Variants in FBXL7 observed in about 807,000 individuals in gnomAD.
The protein encoded by FBXL7 is F-box/LRR-repeat protein 7.
In FBXL7, 12 loss-of-function variants were observed where a neutral mutation model predicts 38.3. That is an observed-to-expected ratio of 0.31 (90% CI 0.20 to 0.51). The LOEUF is 0.51. Ranked by LOEUF, FBXL7 falls within the 20% of genes least tolerant of loss-of-function variation. FBXL7 has a pLI of 0.98. For missense variants in FBXL7, 567 were observed against 676.4 expected, an observed-to-expected ratio of 0.84 and a Z score of 1.79; for synonymous variants, 297 against 300.9, an observed-to-expected ratio of 0.99 and a Z score of 0.13.
chr5:15,503,220 A>T (rs1736547834), intron 1 of FBXL7, among the ~76,000 whole-genome samples: 1 of 152,218 alleles, frequency 6.6e-6, no homozygotes, highest in African/African-American at 2.4e-5. Context: ...CAGGAGTTCA[A>T]GACCAGGCTG....
At chr5:15,601,926 T>TA (rs1431447667) in intron 1 of FBXL7, among the ~76,000 whole-genome samples, 5 of 152,126 alleles carry the variant, frequency 3.3e-5, no homozygotes. Flanking sequence ...AGTTTTAAGA[T>TA]AGAGACATAC....
At position 15,638,097 on chromosome 5, in the gene FBXL7, C is replaced by A. The variant is rs181625995; in HGVS notation, c.127+22025C>A. ...GCATTTGATGCCAATGTCACCACCCCCCAGGTGATCAGTCTATGACAAAGG... is the reference window on the plus strand; with the variant it reads ...GCATTTGATGCCAATGTCACCACCCACCAGGTGATCAGTCTATGACAAAGG... On this transcript the variant is annotated intron_variant, in intron 2 of 3. Transcript: ENST00000504595. Among the ~76,000 whole-genome samples, 130 of 152,306 alleles carry A rather than the reference C, an allele frequency of 8.5e-4. 1 individual carries two copies. The highest frequency in any genetic ancestry group is 3.0e-3 in the African/African-American group (125 of 41,576).
chr5:15,693,864 T>C (rs1326394475), intron 2 of FBXL7, among the ~76,000 whole-genome samples: 2 of 152,150 alleles, frequency 1.3e-5, no homozygotes, highest in East Asian at 3.9e-4. Context: ...TCCCCATCCA[T>C]CTGCTGAGTG....
intron 2 of FBXL7, among the ~76,000 whole-genome samples, chr5:15,905,497 T>C (rs1322285113): frequency 6.6e-6 from 1 of 152,014 alleles, no homozygotes; most frequent in Non-Finnish European, 1.5e-5. Context: ...TTCAGTCCCA[T>C]AAATAATTAA....
Position 15,864,909 on chromosome 5 carries a change from T to C in FBXL7, c.128-62981T>C, listed in dbSNP as rs141902324. Among the ~76,000 whole-genome samples the C allele has an allele frequency of 3.3e-3, 496 of 152,290 alleles. 2 individuals carry two copies. The highest frequency in any genetic ancestry group is 0.011 in the African/African-American group (464 of 41,554). ...TAGCCTCAACTTAAGATGGAGTCTA[T>C]TGGCTGCTGCAGATAAAAAGGTCTG... On this transcript the variant is annotated intron_variant, in intron 2 of 3. Coordinates refer to ENST00000504595, the MANE Select transcript of FBXL7 (RefSeq NM_012304.5).
chr5:15,599,492 C>A (rs1739727422), intron 1 of FBXL7, among the ~76,000 whole-genome samples: 1 of 152,088 alleles, frequency 6.6e-6, no homozygotes, highest in Non-Finnish European at 1.5e-5. Flanking sequence ...GCTTTTAGGT[C>A]TTTTTGGATC....
At chr5:15,862,469 C>T (rs1401710824) in intron 2 of FBXL7, among the ~76,000 whole-genome samples, 1 of 152,140 alleles carries the variant, frequency 6.6e-6, no homozygotes, top group African/African-American at 2.4e-5. Context: ...TCTACAAAAA[C>T]CGGGCATTTT....
intron 2 of FBXL7, among the ~76,000 whole-genome samples, chr5:15,642,900 C>T (rs1741413038): frequency 6.6e-6 from 1 of 152,174 alleles, no homozygotes; most frequent in Non-Finnish European, 1.5e-5. Flanking sequence ...ATCTCTCTTT[C>T]ATAAATTAAG....
At chr5:15,663,895 T>G (rs1324984425) in intron 2 of FBXL7, among the ~76,000 whole-genome samples, 3 of 152,286 alleles carry the variant, frequency 2.0e-5, no homozygotes, top group African/African-American at 7.2e-5. Flanking sequence ...TGAAAGTCAG[T>G]TATTATATCT....
At chr5:15,599,746 C>G (rs1463487205) in intron 1 of FBXL7, among the ~76,000 whole-genome samples, 1 of 152,140 alleles carries the variant, frequency 6.6e-6, no homozygotes, top group Non-Finnish European at 1.5e-5. Context: ...TTCACTTTCT[C>G]CATTTCACTG....
intron 1 of FBXL7, among the ~76,000 whole-genome samples, chr5:15,609,890 C>T (rs1740168793): frequency 6.6e-6 from 1 of 152,176 alleles, no homozygotes; most frequent in Non-Finnish European, 1.5e-5. Flanking sequence ...TGTTTTTGCG[C>T]TGCTGATAAA....
intron 2 of FBXL7, among the ~76,000 whole-genome samples, chr5:15,792,351 G>A (rs1005791457): frequency 1.8e-4 from 27 of 152,206 alleles, no homozygotes; most frequent in African/African-American, 5.8e-4. Flanking sequence ...GTCATGTGCT[G>A]GTGGATAACC....
At chr5:15,678,733 C>G (rs1742740366) in intron 2 of FBXL7, among the ~76,000 whole-genome samples, 1 of 152,112 alleles carries the variant, frequency 6.6e-6, no homozygotes, top group African/African-American at 2.4e-5. Flanking sequence ...AGGGATTTCC[C>G]TTTTCTCTTG....
chr5:15,550,816 C>G (rs1738045093), intron 1 of FBXL7, among the ~76,000 whole-genome samples: 1 of 152,244 alleles, frequency 6.6e-6, no homozygotes, highest in Admixed American at 6.5e-5. Context: ...CATCTCATCC[C>G]TCACTTGATC....
chr5:15,892,286 C>T (rs2126383879), intron 2 of FBXL7, among the ~76,000 whole-genome samples: 1 of 152,324 alleles, frequency 6.6e-6, no homozygotes, highest in East Asian at 1.9e-4. Context: ...TGTAGAAAGC[C>T]AGGTGGTTGA....
At chr5:15,905,798 A>C (rs1171559307) in intron 2 of FBXL7, among the ~76,000 whole-genome samples, 1 of 152,180 alleles carries the variant, frequency 6.6e-6, no homozygotes, top group Non-Finnish European at 1.5e-5. Context: ...GAAAGAAAAC[A>C]GAAGGCAGGA....
chr5:15,564,736 C>T (rs1426763413), intron 1 of FBXL7, among the ~76,000 whole-genome samples: 1 of 151,918 alleles, frequency 6.6e-6, no homozygotes, highest in Non-Finnish European at 1.5e-5. Flanking sequence ...AGGTTTCCGA[C>T]ACTAAATCTA....
chr5:15,865,287 G>A (rs1019695228), intron 2 of FBXL7, among the ~76,000 whole-genome samples: 33 of 152,270 alleles, frequency 2.2e-4, no homozygotes, highest in African/African-American at 7.9e-4. Flanking sequence ...CCAAAGGAAA[G>A]GTTGCAAGGA....
At chr5:15,859,164 C>T (rs1475896906) in intron 2 of FBXL7, among the ~76,000 whole-genome samples, 3 of 152,226 alleles carry the variant, frequency 2.0e-5, no homozygotes, top group Non-Finnish European at 4.4e-5. Flanking sequence ...TTTTGAGGAG[C>T]CCCTACTGTG....
Sources: gnomAD v4.1 joint callset for allele counts (sites outside exome capture counted in the v4.1 genomes callset) on GRCh38, gnomAD v4.1.1 for gene constraint, MANE v1.5 for transcripts, NCBI Gene and HGNC (gene_info 2026-07-23, HGNC 2026-07-21) for gene names.